Variants in PSTPIP2 observed in about 807,000 individuals in gnomAD.
PSTPIP2 encodes the protein proline-serine-threonine phosphatase-interacting protein 2.
In PSTPIP2, 33 loss-of-function variants were observed where a neutral mutation model predicts 63.3. That is an observed-to-expected ratio of 0.52 (90% CI 0.40 to 0.70). PSTPIP2 has a LOEUF of 0.70. PSTPIP2 is among the 30% of genes least tolerant of loss of function. The probability of loss-of-function intolerance (pLI) is 0.00; values close to 1 mark genes in which losing one functional copy is unlikely to be tolerated. For synonymous variants in PSTPIP2, 125 were observed against 132.7 expected (o/e 0.94, Z 0.40); for missense variants, 312 against 400.7 (o/e 0.78, Z 1.89).
intron 1 of PSTPIP2, among the ~76,000 whole-genome samples, chr18:46,060,761 C>T (rs1334980202): frequency 1.3e-5 from 2 of 152,226 alleles, no homozygotes; most frequent in African/African-American, 4.8e-5. Context: ...GGACTGGTTT[C>T]TTTGCCCTCT....
intron 1 of PSTPIP2, among the ~76,000 whole-genome samples, chr18:46,064,348 C>T (rs550334993): frequency 9.0e-5 from 11 of 122,788 alleles, no homozygotes; most frequent in Non-Finnish European, 1.3e-4. Context: ...TGGAGTGCAG[C>T]GGAGTGACCT....
At chr18:46,068,598 G>C (rs867785895) in intron 1 of PSTPIP2, among the ~76,000 whole-genome samples, 12 of 151,224 alleles carry the variant, frequency 7.9e-5, no homozygotes, top group Non-Finnish European at 1.6e-4. Context: ...ATGCCCGGCC[G>C]GCTTACACCT....
chr18:45,990,062 T>C (rs57525917), intron 13 of PSTPIP2: 36,621 of 152,190 alleles, frequency 0.24, 6,292 homozygotes, highest in African/African-American at 0.47. Context: ...TAACATTAAG[T>C]GACACGTTTC....
chr18:46,055,897 T>C (rs1908739409), intron 1 of PSTPIP2, among the ~76,000 whole-genome samples: 1 of 152,200 alleles, frequency 6.6e-6, no homozygotes, highest in South Asian at 2.1e-4. Context: ...TAAAAGAGGA[T>C]TAGGAAAATA....
chr18:46,054,736 C>T (rs564350412), intron 1 of PSTPIP2, among the ~76,000 whole-genome samples: 5 of 150,330 alleles, frequency 3.3e-5, no homozygotes, highest in Non-Finnish European at 7.4e-5. Context: ...TCTTGGCTCA[C>T]TGCAACCTCT....
chr18:46,052,809 AG>A (rs1264247974), intron 1 of PSTPIP2, among the ~76,000 whole-genome samples: 1 of 152,242 alleles, frequency 6.6e-6, no homozygotes, highest in Non-Finnish European at 1.5e-5. Flanking sequence ...ACAATTACTA[AG>A]ATTATCCCAT....
At chr18:46,040,830 G>T (rs1470247900) in intron 1 of PSTPIP2, among the ~76,000 whole-genome samples, 1 of 152,202 alleles carries the variant, frequency 6.6e-6, no homozygotes, top group Non-Finnish European at 1.5e-5. Flanking sequence ...ACAGGCACGT[G>T]GATGAGGGAG....
chr18:46,014,252 C>T (rs1300469579), intron 4 of PSTPIP2, among the ~76,000 whole-genome samples: 3 of 152,068 alleles, frequency 2.0e-5, no homozygotes, highest in African/African-American at 7.2e-5. Flanking sequence ...GAACTCCTGA[C>T]CTCAGGTAAC....
At chr18:46,072,026 T>C in intron 1 of PSTPIP2, 130 bp downstream of exon 1, 1 of 1,226,434 alleles carries the variant, frequency 8.2e-7, no homozygotes, top group Non-Finnish European at 1.1e-6. Flanking sequence ...ACGCGCGAGC[T>C]CCGCCAAGCC....
intron 2 of PSTPIP2, among the ~76,000 whole-genome samples, chr18:46,038,763 G>C (rs1018761845): frequency 6.6e-6 from 1 of 152,184 alleles, no homozygotes; most frequent in African/African-American, 2.4e-5. Flanking sequence ...CAGGCCTCCA[G>C]GTCCTCCAGA....
Position 46,033,302 on chromosome 18 carries a change from T to C in PSTPIP2, c.134+6645A>G, listed in dbSNP as rs187453221. ...TCTCAACCCCCAGCATCTTAGACTGTGACCTTATTTGGAAATAGGGTCATT... is the reference window on the plus strand; with the variant it reads ...TCTCAACCCCCAGCATCTTAGACTGCGACCTTATTTGGAAATAGGGTCATT... On this transcript the variant is annotated intron_variant, in intron 2 of 14. Transcript: ENST00000409746. Among the ~76,000 whole-genome samples the C allele has an allele frequency of 1.3e-3, 204 of 152,332 alleles. 1 individual carries two copies. Among genetic ancestry groups the C allele is most frequent in the South Asian group, 6.6e-3 (32 of 4,828 alleles).
intron 1 of PSTPIP2, among the ~76,000 whole-genome samples, chr18:46,071,677 A>G (rs898501084): frequency 1.3e-5 from 2 of 152,192 alleles, no homozygotes; most frequent in East Asian, 1.9e-4. Context: ...TCAACCCGGT[A>G]AAGCTCACAA....
intron 1 of PSTPIP2, among the ~76,000 whole-genome samples, chr18:46,066,532 G>C (rs568847230): frequency 1.1e-4 from 17 of 152,142 alleles, no homozygotes; most frequent in Non-Finnish European, 2.5e-4. Context: ...GTGGGGAATG[G>C]AGAAGAAGTT....
chr18:45,985,074 G>A lies in PSTPIP2; in HGVS notation c.*385C>T, dbSNP rs1326700567. 3 of 242,126 alleles carry A rather than the reference G, an allele frequency of 1.2e-5. No homozygotes were observed. Among genetic ancestry groups the A allele is most frequent in the Non-Finnish European group, 2.3e-5 (3 of 127,776 alleles). The allele number at this position is 242,126 out of a possible 1,614,324, so 15.0% of individuals were successfully genotyped here. ...GTCGCCGTGGAAACTCCACAGCCAG[G>A]CTGCCCAAAGCCAAAGGAGCCACTA... is the stretch of plus-strand genomic sequence containing the variant. On this transcript the variant is annotated 3_prime_UTR_variant, in exon 15 of 15. Transcript: ENST00000409746.
intron 1 of PSTPIP2, among the ~76,000 whole-genome samples, chr18:46,068,892 T>C (rs1013443697): frequency 1.7e-4 from 26 of 151,980 alleles, no homozygotes; most frequent in Non-Finnish European, 3.5e-4. Context: ...TCCAATCTGG[T>C]AAAAGGTTTG....
chr18:46,058,516 C>A (rs1430369281), intron 1 of PSTPIP2, among the ~76,000 whole-genome samples: 3 of 151,914 alleles, frequency 2.0e-5, no homozygotes, highest in Non-Finnish European at 4.4e-5. Flanking sequence ...GCCACCACAC[C>A]CAGCTATTTA....
intron 1 of PSTPIP2, among the ~76,000 whole-genome samples, chr18:46,041,783 C>A (rs1269856426): frequency 6.6e-6 from 1 of 152,172 alleles, no homozygotes; most frequent in Admixed American, 6.5e-5. Flanking sequence ...AGACTATAGT[C>A]CCTAAGAGGT....
intron 6 of PSTPIP2, among the ~76,000 whole-genome samples, 158 bp from the exon 7 acceptor site, chr18:45,999,692 T>C (rs993945626): frequency 6.6e-6 from 1 of 152,242 alleles, no homozygotes; most frequent in East Asian, 1.9e-4. Flanking sequence ...ATGCTTTTTC[T>C]TATCAGTCTT....
intron 4 of PSTPIP2, among the ~76,000 whole-genome samples, chr18:46,015,397 G>A (rs915481308): frequency 6.6e-6 from 1 of 152,176 alleles, no homozygotes; most frequent in African/African-American, 2.4e-5. Context: ...CATACCAGGG[G>A]TTAGGTTGGT....
Sources: allele counts gnomAD v4.1 joint callset (sites outside exome capture counted in the v4.1 genomes callset), GRCh38; gene constraint gnomAD v4.1.1; transcripts MANE v1.5; gene names NCBI Gene and HGNC (gene_info 2026-07-23, HGNC 2026-07-21).